SNTG1: variants seen among roughly 807,000 people sequenced by gnomAD.
SNTG1 encodes the protein syntrophin gamma 1.
Under a neutral mutation model 74.7 loss-of-function variants are expected in SNTG1, and 39 were observed. That is an observed-to-expected ratio of 0.52 (90% CI 0.40 to 0.68). The LOEUF is 0.68. Among genes scored for constraint, SNTG1 ranks in the 30% least tolerant of loss-of-function variants. The pLI is 0.00. For missense variants in SNTG1, 685 were observed against 609.5 expected, an observed-to-expected ratio of 1.12 and a Z score of -1.30; for synonymous variants, 254 against 217.1, an observed-to-expected ratio of 1.17 and a Z score of -1.49.
intron 2 of SNTG1, among the ~76,000 whole-genome samples, chr8:50,252,901 T>A (rs192168677): frequency 1.3e-5 from 2 of 152,128 alleles, no homozygotes; most frequent in Admixed American, 6.5e-5. Context: ...ATAGAAGAAA[T>A]ACACATGGCT....
At chr8:50,135,558 T>C (rs943865458) in intron 1 of SNTG1, among the ~76,000 whole-genome samples, 1 of 152,152 alleles carries the variant, frequency 6.6e-6, no homozygotes, top group African/African-American at 2.4e-5. Flanking sequence ...TTATATCAGC[T>C]TGTGGATACA....
At chr8:50,577,542 CCTT>C (rs1211727802) in intron 12 of SNTG1, among the ~76,000 whole-genome samples, 1 of 135,308 alleles carries the variant, frequency 7.4e-6, no homozygotes, top group African/African-American at 2.8e-5. Flanking sequence ...AGGAAATGCT[CCTT>C]CTTTATTTTT....
chr8:50,441,375 C>A (rs1265279789), intron 5 of SNTG1, among the ~76,000 whole-genome samples: 1 of 152,148 alleles, frequency 6.6e-6, no homozygotes, highest in South Asian at 2.1e-4. Flanking sequence ...GTACAAACTT[C>A]TGGGACAAAA....
chr8:50,154,308 A>T (rs533944523), intron 1 of SNTG1, among the ~76,000 whole-genome samples: 1 of 152,100 alleles, frequency 6.6e-6, no homozygotes, highest in Non-Finnish European at 1.5e-5. Flanking sequence ...GAGTGACCCA[A>T]TTTTCCAGGT....
chr8:50,138,327 A>G (rs1367718405), intron 1 of SNTG1, among the ~76,000 whole-genome samples: 4 of 151,992 alleles, frequency 2.6e-5, no homozygotes, highest in Non-Finnish European at 4.4e-5. Context: ...CTTAATAATA[A>G]GAGTTCTGGC....
At chr8:50,468,983 C>T (rs890016974) in intron 8 of SNTG1, among the ~76,000 whole-genome samples, 48 of 152,082 alleles carry the variant, frequency 3.2e-4, no homozygotes, top group Non-Finnish European at 1.3e-4. Flanking sequence ...CTTTAATCAC[C>T]CCACATATTG....
chr8:50,777,613 T>C (rs2095644753), intron 18 of SNTG1, among the ~76,000 whole-genome samples: 1 of 151,190 alleles, frequency 6.6e-6, no homozygotes, highest in South Asian at 2.1e-4. Context: ...CTAAAATCTA[T>C]GTCATCTCAC....
intron 18 of SNTG1, among the ~76,000 whole-genome samples, chr8:50,782,832 G>T (rs2095663741): frequency 6.6e-6 from 1 of 152,092 alleles, no homozygotes; most frequent in South Asian, 2.1e-4. Context: ...CATCTTTGTG[G>T]TTTTGTCTAC....
intron 1 of SNTG1, among the ~76,000 whole-genome samples, chr8:49,938,611 C>T (rs200424698): frequency 6.5e-3 from 81 of 12,498 alleles, no homozygotes; most frequent in East Asian, 0.054. Flanking sequence ...TCTTTTCTTT[C>T]TTTCTTTCTT....
chr8:50,614,241 T>C (rs2131003814), intron 13 of SNTG1, among the ~76,000 whole-genome samples: 1 of 152,160 alleles, frequency 6.6e-6, no homozygotes, highest in East Asian at 1.9e-4. Flanking sequence ...ATTGTGATTC[T>C]TACAGTTTCA....
chr8:50,373,061 G>T (rs2092304637), intron 2 of SNTG1, among the ~76,000 whole-genome samples: 2 of 152,140 alleles, frequency 1.3e-5, no homozygotes, highest in East Asian at 1.9e-4. Context: ...ACTGACTAAA[G>T]AAATTATCTA....
intron 18 of SNTG1, among the ~76,000 whole-genome samples, chr8:50,768,170 T>A (rs1563821097): frequency 1.3e-5 from 2 of 151,958 alleles, no homozygotes. Flanking sequence ...TACTACAGCA[T>A]CATAAGAGAA....
intron 1 of SNTG1, among the ~76,000 whole-genome samples, chr8:50,065,717 T>C (rs1250003032): frequency 4.6e-5 from 7 of 152,202 alleles, no homozygotes; most frequent in Non-Finnish European, 1.0e-4. Context: ...AATAAAAATA[T>C]AGGAGCTTAA....
chr8:50,143,622 C>G (rs1485820985), intron 1 of SNTG1, among the ~76,000 whole-genome samples: 2 of 152,150 alleles, frequency 1.3e-5, no homozygotes. Flanking sequence ...TGCTCAGATG[C>G]AAGTTTGATA....
chr8:50,584,543 C>T (rs1185495329), intron 12 of SNTG1, among the ~76,000 whole-genome samples: 3 of 115,588 alleles, frequency 2.6e-5, no homozygotes, highest in Admixed American at 1.1e-4. Context: ...CACGGTGTTT[C>T]GCACTGTCTC....
chr8:50,543,272 C>A (rs1044212117), intron 11 of SNTG1, among the ~76,000 whole-genome samples: 3 of 152,078 alleles, frequency 2.0e-5, no homozygotes, highest in Non-Finnish European at 4.4e-5. Context: ...AGGGATAGGG[C>A]TCTAGTTTCA....
chr8:50,589,120 T>G (rs1011631317), intron 12 of SNTG1, among the ~76,000 whole-genome samples: 3 of 152,234 alleles, frequency 2.0e-5, no homozygotes, highest in African/African-American at 7.2e-5. Context: ...TGAGCCGTGG[T>G]AGGAAATACA....
intron 1 of SNTG1, among the ~76,000 whole-genome samples, chr8:50,142,841 G>A (rs1475070274): frequency 6.6e-6 from 1 of 152,114 alleles, no homozygotes; most frequent in African/African-American, 2.4e-5. Flanking sequence ...GGAGGCCAAG[G>A]CGGGTGGATC....
chr8:50,670,140 G>A (rs1268009474), intron 15 of SNTG1, among the ~76,000 whole-genome samples: 3 of 152,172 alleles, frequency 2.0e-5, no homozygotes, highest in African/African-American at 7.2e-5. Flanking sequence ...ACAAGACAGG[G>A]ATGCCCTCTC....
Sources: gnomAD v4.1 joint callset for allele counts (sites outside exome capture counted in the v4.1 genomes callset) on GRCh38, gnomAD v4.1.1 for gene constraint, MANE v1.5 for transcripts, NCBI Gene and HGNC (gene_info 2026-07-23, HGNC 2026-07-21) for gene names.